GRID2: variants seen among roughly 807,000 people sequenced by gnomAD.
The protein encoded by GRID2 is glutamate ionotropic receptor delta type subunit 2.
Under a neutral mutation model 114.8 loss-of-function variants are expected in GRID2, and 33 were observed. The ratio of observed to expected loss-of-function variants is 0.29; its 90% CI spans 0.22 to 0.38. The LOEUF (loss-of-function observed/expected upper bound fraction) is 0.38, where lower values mean the gene tolerates loss of function less well. GRID2 is among the 10% of genes least tolerant of loss of function. The pLI, the probability that GRID2 is intolerant of heterozygous loss-of-function variation, is 1.00. For synonymous variants in GRID2, 505 were observed against 449.9 expected (o/e 1.12, Z -1.55); for missense variants, 1,184 against 1,257.7 (o/e 0.94, Z 0.89).
chr4:93,764,093 A>T lies in GRID2; in HGVS notation c.2361-5117A>T, dbSNP rs188958583. Among the ~76,000 whole-genome samples, 12 of 152,310 alleles carry T rather than the reference A, an allele frequency of 7.9e-5. No individual in the cohort carries two copies. In the East Asian group the frequency reaches 2.1e-3, roughly 27 times the overall value. ...TCCTAGAGTAGTGACTAAAAATGGT[A>T]AGGGATCAAAAATTAGTGTGAGTCT... On this transcript the variant is annotated intron_variant, in intron 14 of 15. Transcript: ENST00000282020.
chr4:92,655,923 T>C (rs1011649472), intron 2 of GRID2, among the ~76,000 whole-genome samples: 2 of 151,742 alleles, frequency 1.3e-5, no homozygotes, highest in Non-Finnish European at 2.9e-5. Context: ...GTGTTGAAAA[T>C]AGACATCCTT....
chr4:93,625,500 T>A (rs1300209047), intron 13 of GRID2, among the ~76,000 whole-genome samples: 3 of 152,370 alleles, frequency 2.0e-5, no homozygotes, highest in East Asian at 1.9e-4. Flanking sequence ...AAAAGCTTAC[T>A]TAGAAATACA....
At chr4:93,560,989 T>C (rs1734870843) in intron 13 of GRID2, among the ~76,000 whole-genome samples, 1 of 151,958 alleles carries the variant, frequency 6.6e-6, no homozygotes, top group Admixed American at 6.6e-5. Flanking sequence ...GTGAGCTTCC[T>C]TCATATGGTT....
In GRID2 at chr4:92,314,103, T is replaced by C. The variant is rs144988876; in HGVS notation, c.88+9359T>C. On this transcript the variant is annotated intron_variant, in intron 1 of 15. Transcript: ENST00000282020. ...AGAAAGGAAATCTGTTTTTTTTTCT[T>C]TTTCTTTTTCTTTTATAAATTGGAT... Among the ~76,000 whole-genome samples, 479 of 152,124 alleles carry C rather than the reference T, an allele frequency of 3.1e-3. 5 individuals carry two copies. Among genetic ancestry groups the C allele is most frequent in the African/African-American group, 0.011 (442 of 41,514 alleles).
chr4:92,408,629 A>ATT lies in GRID2; in HGVS notation c.88+103893_88+103894dup, dbSNP rs142196449. Among the ~76,000 whole-genome samples, 87 of 147,714 alleles carry ATT rather than the reference A, an allele frequency of 5.9e-4. 1 individual carries two copies. Among genetic ancestry groups the ATT allele is most frequent in the African/African-American group, 2.0e-3 (81 of 40,286 alleles). On this transcript the variant is annotated intron_variant, in intron 1 of 15. Transcript: ENST00000282020. ...CCATAAGCATGGAATATTTATTATT[A>ATT]TTTTTTTTTGTCCCTGATTTCTTTC...
At chr4:93,342,023 G>C (rs1355599365) in intron 8 of GRID2, among the ~76,000 whole-genome samples, 3 of 151,768 alleles carry the variant, frequency 2.0e-5, no homozygotes, top group African/African-American at 7.3e-5. Flanking sequence ...CTATTATCTT[G>C]GTCCAAGCTA....
At chr4:92,951,562 C>T (rs1752042303) in intron 2 of GRID2, among the ~76,000 whole-genome samples, 1 of 151,958 alleles carries the variant, frequency 6.6e-6, no homozygotes, top group African/African-American at 2.4e-5. Flanking sequence ...AGGCTGGTCT[C>T]AAGCGATGCA....
rs1233208381 is a variant in GRID2 at position 93,151,559 on chromosome 4, A to G, written c.735+40606A>G. Among the ~76,000 whole-genome samples the G allele has an allele frequency of 2.6e-5, 4 of 152,098 alleles. No individual in the cohort carries two copies. In the South Asian group the frequency reaches 8.3e-4, roughly 32 times the overall value. On this transcript the variant is annotated intron_variant, in intron 4 of 15. Transcript: ENST00000282020. Reference sequence around the variant, plus strand: ...ATAAGGGTAACAAAAAATAGATTAAAGCAAAATATCCAAAATATTATAGCT... The same window carrying G: ...ATAAGGGTAACAAAAAATAGATTAAGGCAAAATATCCAAAATATTATAGCT...
intron 9 of GRID2, among the ~76,000 whole-genome samples, chr4:93,400,913 T>A (rs547485114): frequency 7.5e-4 from 114 of 152,212 alleles, no homozygotes; most frequent in Middle Eastern, 6.8e-3. Flanking sequence ...CATGGCTCAC[T>A]GGAGCTTCAA....
chr4:93,243,633 C>A (rs1315160330), intron 8 of GRID2, among the ~76,000 whole-genome samples: 1 of 151,868 alleles, frequency 6.6e-6, no homozygotes, highest in Non-Finnish European at 1.5e-5. Flanking sequence ...ATTCATAATC[C>A]CAAATTTTGG....
intron 1 of GRID2, among the ~76,000 whole-genome samples, chr4:92,530,508 G>GAAAAAAA (rs70942906): frequency 2.4e-4 from 26 of 107,202 alleles, no homozygotes; most frequent in African/African-American, 8.4e-4. Flanking sequence ...GACTAGTACA[G>GAAAAAAA]AAAAAAAAAA....
chr4:92,855,684 G>T (rs1388579089), intron 2 of GRID2, among the ~76,000 whole-genome samples: 1 of 151,456 alleles, frequency 6.6e-6, no homozygotes, highest in Non-Finnish European at 1.5e-5. Flanking sequence ...AATAACCATT[G>T]TTGTTTATAG....
chr4:93,142,836 A>G (rs1259649897), intron 4 of GRID2, among the ~76,000 whole-genome samples: 1 of 152,228 alleles, frequency 6.6e-6, no homozygotes, highest in Non-Finnish European at 1.5e-5. Context: ...TTTGCTGGAT[A>G]CTGTTTAATA....
At chr4:93,669,287 T>C (rs1243893063) in intron 14 of GRID2, among the ~76,000 whole-genome samples, 5 of 152,094 alleles carry the variant, frequency 3.3e-5, no homozygotes, top group African/African-American at 1.2e-4. Flanking sequence ...TAATCATGCA[T>C]AGAAAATATG....
intron 8 of GRID2, among the ~76,000 whole-genome samples, chr4:93,325,759 C>T (rs986257236): frequency 1.3e-5 from 2 of 152,020 alleles, no homozygotes; most frequent in Non-Finnish European, 2.9e-5. Context: ...TCTGATGAAA[C>T]CATTATTAAC....
chr4:93,621,328 G>A (rs1429061846), intron 13 of GRID2, among the ~76,000 whole-genome samples: 1 of 152,030 alleles, frequency 6.6e-6, no homozygotes. Context: ...TCTACTTTGG[G>A]GTCTGGAGAT....
chr4:92,852,161 G>C (rs1743859660), intron 2 of GRID2, among the ~76,000 whole-genome samples: 1 of 151,928 alleles, frequency 6.6e-6, no homozygotes, highest in Admixed American at 6.6e-5. Flanking sequence ...TCTGTATGTG[G>C]AGGGGGGTGT....
At chr4:93,797,798 G>A (rs998290904) in intron 1 of GRID2, among the ~76,000 whole-genome samples, 5 of 138,842 alleles carry the variant, frequency 3.6e-5, no homozygotes, top group African/African-American at 8.1e-5. Context: ...AGACTTATTC[G>A]AAAGATATTA....
At chr4:93,096,775 G>C (rs2149335426) in intron 3 of GRID2, among the ~76,000 whole-genome samples, 1 of 151,934 alleles carries the variant, frequency 6.6e-6, no homozygotes, top group Admixed American at 6.6e-5. Context: ...TTTTTACCAA[G>C]TTAAATATCT....
Sources: allele counts gnomAD v4.1 joint callset (sites outside exome capture counted in the v4.1 genomes callset), GRCh38; gene constraint gnomAD v4.1.1; transcripts MANE v1.5; gene names NCBI Gene and HGNC (gene_info 2026-07-23, HGNC 2026-07-21).